The following NPAS3 variants were observed in gnomAD, a reference collection of about 807,000 sequenced individuals.
The protein encoded by NPAS3 is neuronal PAS domain-containing protein 3.
NPAS3 carries 14 observed loss-of-function variants against 73.1 expected under a neutral mutation model. The observed-to-expected ratio is 0.19, with a 90% CI of 0.13 to 0.30. The LOEUF is 0.30. Among genes scored for constraint, NPAS3 ranks in the 10% least tolerant of loss-of-function variants. NPAS3 has a pLI of 1.00. For missense variants in NPAS3, 1,096 were observed against 1,250.0 expected, an observed-to-expected ratio of 0.88 and a Z score of 1.86; for synonymous variants, 620 against 541.5, an observed-to-expected ratio of 1.14 and a Z score of -2.01.
chr14:33,089,289 T>A (rs2042142299), intron 2 of NPAS3, among the ~76,000 whole-genome samples: 1 of 152,154 alleles, frequency 6.6e-6, no homozygotes, highest in South Asian at 2.1e-4. Context: ...ATAACCAGTG[T>A]GGAGAAGTCC....
chr14:33,796,624 G>T (rs992884840), intron 10 of NPAS3, among the ~76,000 whole-genome samples: 5 of 152,158 alleles, frequency 3.3e-5, no homozygotes, highest in African/African-American at 9.7e-5. Flanking sequence ...GGATTTCCTT[G>T]TGCCTTCAGA....
At chr14:32,965,346 A>G (rs2037106921) in intron 1 of NPAS3, among the ~76,000 whole-genome samples, 1 of 152,206 alleles carries the variant, frequency 6.6e-6, no homozygotes, top group African/African-American at 2.4e-5. Context: ...AGCACATCTA[A>G]AAGTTCATTC....
At position 33,224,922 on chromosome 14, in the gene NPAS3, G is replaced by A. The variant is rs75584763; in HGVS notation, c.385+9496G>A. 5.4e-3 allele frequency among the ~76,000 whole-genome samples: 822 copies of A among 152,190 alleles called. 13 individuals are homozygous for A. Among genetic ancestry groups the A allele is most frequent in the African/African-American group, 0.018 (752 of 41,544 alleles). On this transcript the variant is annotated intron_variant, in intron 3 of 11. Transcript: ENST00000356141. The stretch of plus-strand genomic sequence containing the variant: ...CTGTAGTGTCTTTGCATCAGTACAC[G>A]AAATTCTCTATAAATCTAAAAGTGT...
exon 12 of NPAS3, chr14:33,799,870 T>C: frequency 6.2e-7 from 1 of 1,614,136 alleles, no homozygotes; most frequent in Non-Finnish European, 8.5e-7. Flanking sequence ...ACAGCTCCAG[T>C]AACCCGGACA....
intron 6 of NPAS3, among the ~76,000 whole-genome samples, chr14:33,706,445 C>T (rs974409557): frequency 1.3e-5 from 2 of 152,130 alleles, no homozygotes; most frequent in Non-Finnish European, 2.9e-5. Context: ...CAGTTTGGAC[C>T]GAGGCCTAGC....
At chr14:33,194,610 T>C (rs1038854362) in intron 2 of NPAS3, among the ~76,000 whole-genome samples, 14 of 152,240 alleles carry the variant, frequency 9.2e-5, no homozygotes, top group Admixed American at 9.2e-4. Context: ...TATACACTGG[T>C]ACCTGCTTAT....
chr14:33,078,918 T>C (rs1163171219), intron 2 of NPAS3, among the ~76,000 whole-genome samples: 1 of 152,258 alleles, frequency 6.6e-6, no homozygotes, highest in Non-Finnish European at 1.5e-5. Flanking sequence ...GTTAAATAGA[T>C]TTAATATCAG....
intron 3 of NPAS3, among the ~76,000 whole-genome samples, chr14:33,315,528 G>A (rs2043175283): frequency 6.6e-6 from 1 of 151,816 alleles, no homozygotes. Flanking sequence ...GTGTTTGTGT[G>A]TGTGTATGTG....
intron 4 of NPAS3, among the ~76,000 whole-genome samples, chr14:33,477,845 A>G (rs1277707564): frequency 6.6e-6 from 1 of 152,202 alleles, no homozygotes; most frequent in Non-Finnish European, 1.5e-5. Context: ...CAAAATCACA[A>G]ATAAAAGGAA....
chr14:33,443,552 C>G lies in NPAS3; in HGVS notation c.468+76284C>G, dbSNP rs145135037. Among the ~76,000 whole-genome samples the G allele has an allele frequency of 2.3e-3, 357 of 152,272 alleles. 7 individuals are homozygous for G. Among genetic ancestry groups the G allele is most frequent in the African/African-American group, 8.1e-3 (338 of 41,556 alleles). Reference sequence around the variant, plus strand: ...ATGACATGCCTGGAGGTGCTCACCCCCTCCACACACGCTAAGGAGCCCAGG... The same window carrying G: ...ATGACATGCCTGGAGGTGCTCACCCGCTCCACACACGCTAAGGAGCCCAGG... On this transcript the variant is annotated intron_variant, in intron 4 of 11. Transcript: ENST00000356141.
chr14:33,006,060 A>G (rs2139607282), intron 1 of NPAS3, among the ~76,000 whole-genome samples: 1 of 152,178 alleles, frequency 6.6e-6, no homozygotes, highest in Middle Eastern at 3.4e-3. Flanking sequence ...CGGCACATTG[A>G]CCACTTCCTT....
chr14:33,277,642 C>T (rs2041395899), intron 3 of NPAS3, among the ~76,000 whole-genome samples: 1 of 152,088 alleles, frequency 6.6e-6, no homozygotes, highest in Admixed American at 6.6e-5. Context: ...AGTGATGGAG[C>T]AAGTGATACA....
chr14:32,968,293 A>G lies in NPAS3; in HGVS notation c.50+28927A>G, dbSNP rs148684090. The stretch of plus-strand genomic sequence containing the variant: ...GGTCATGGATATGCTAATTACCCTG[A>G]CTTTATCATTAACTAATGTGTGTAT... On this transcript the variant is annotated intron_variant, in intron 1 of 11. Transcript: ENST00000356141. Among the ~76,000 whole-genome samples the G allele has an allele frequency of 2.6e-3, 401 of 152,278 alleles. 3 individuals are homozygous for G. The highest frequency in any genetic ancestry group is 9.0e-3 in the African/African-American group (375 of 41,542).
At chr14:32,977,382 C>CACACACACA (rs1219250450) in intron 1 of NPAS3, among the ~76,000 whole-genome samples, 4 of 17,934 alleles carry the variant, frequency 2.2e-4, no homozygotes, top group Non-Finnish European at 5.9e-4. Flanking sequence ...ACACACACAC[C>CACACACACA]CCTAATCTAT....
chr14:33,508,587 G>T (rs2052887189), intron 4 of NPAS3, among the ~76,000 whole-genome samples: 2 of 152,004 alleles, frequency 1.3e-5, no homozygotes, highest in African/African-American at 4.8e-5. Flanking sequence ...ACCACACACA[G>T]GGCTCACACA....
At position 33,177,109 on chromosome 14, in the gene NPAS3, T is replaced by TATTATC. The variant is rs1354243278; in HGVS notation, c.141-38071_141-38070insTATCAT. Among the ~76,000 whole-genome samples the TATTATC allele has an allele frequency of 4.1e-3, 596 of 145,172 alleles. 4 individuals are homozygous for TATTATC. Among genetic ancestry groups the TATTATC allele is most frequent in the African/African-American group, 0.014 (550 of 39,038 alleles). ...TTATTATTATTATTATTATTATTAT[T>TATTATC]ATCTTTGAGACAGAGTCTTGCTCTG... On this transcript the variant is annotated intron_variant, in intron 2 of 11. Transcript: ENST00000356141.
At chr14:33,234,536 C>A (rs1272954294) in intron 3 of NPAS3, among the ~76,000 whole-genome samples, 2 of 152,092 alleles carry the variant, frequency 1.3e-5, no homozygotes, top group African/African-American at 4.8e-5. Flanking sequence ...GACTTCTCTT[C>A]CAGCTCGTTA....
intron 5 of NPAS3, among the ~76,000 whole-genome samples, chr14:33,560,822 G>T (rs2055609863): frequency 6.6e-6 from 1 of 152,130 alleles, no homozygotes; most frequent in South Asian, 2.1e-4. Flanking sequence ...ATGGGCCAGG[G>T]ACAAAAATCC....
In NPAS3 at chr14:33,174,974, C is replaced by T. The variant is rs143342798; in HGVS notation, c.141-40208C>T. Among the ~76,000 whole-genome samples the T allele has an allele frequency of 4.3e-4, 66 of 152,180 alleles. 3 individuals carry two copies. The highest frequency in any genetic ancestry group is 3.4e-3 in the Middle Eastern group (1 of 294). On this transcript the variant is annotated intron_variant, in intron 2 of 11. Transcript: ENST00000356141. Reference sequence around the variant, plus strand: ...CTTCACTGGTCCATTTCATGTGACTCGTAGGTTGATATGAAAAAGGAAACA... The same window carrying T: ...CTTCACTGGTCCATTTCATGTGACTTGTAGGTTGATATGAAAAAGGAAACA...
Sources: allele counts gnomAD v4.1 joint callset (sites outside exome capture counted in the v4.1 genomes callset), GRCh38; gene constraint gnomAD v4.1.1; transcripts MANE v1.5; gene names NCBI Gene and HGNC (gene_info 2026-07-23, HGNC 2026-07-21).